The following OPRM1 variants were observed in gnomAD, a reference collection of about 807,000 sequenced individuals.
OPRM1 encodes the protein mu-type opioid receptor.
A neutral mutation model predicts 31.8 loss-of-function variants in OPRM1; 27 were observed. The observed-to-expected ratio is 0.85, with a 90% confidence interval of 0.63 to 1.17. The LOEUF (loss-of-function observed/expected upper bound fraction) is 1.17, where lower values mean the gene tolerates loss of function less well. Among genes scored for constraint, OPRM1 ranks in the 50% most tolerant of loss-of-function variants. The pLI is 0.00. For missense variants in OPRM1, 536 were observed against 511.1 expected, an observed-to-expected ratio of 1.05 and a Z score of -0.47; for synonymous variants, 196 against 189.9, an observed-to-expected ratio of 1.03 and a Z score of -0.26.
Position 154,201,559 on chromosome 6 carries a change from A to ACAT in OPRM1, c.1165-45129_1165-45127dup, listed in dbSNP as rs1189851672. ...AGGCATTTTATGGTTCAGTTGCATTACATCATCCTATGGGACATGCCTGTC... is the reference window on the plus strand; with the variant it reads ...AGGCATTTTATGGTTCAGTTGCATTACATCATCATCCTATGGGACATGCCTGTC... On this transcript the variant is annotated intron_variant, in intron 3 of 3. Coordinates refer to the OPRM1 transcript ENST00000337049. Among the ~76,000 whole-genome samples, 50 of 152,332 alleles carry ACAT rather than the reference A, an allele frequency of 3.3e-4. 1 individual carries two copies. The highest frequency in any genetic ancestry group is 8.3e-4 in the South Asian group (4 of 4,822).
At chr6:154,057,293 G>A (rs1783501229) in intron 1 of OPRM1, among the ~76,000 whole-genome samples, 1 of 152,160 alleles carries the variant, frequency 6.6e-6, no homozygotes, top group Non-Finnish European at 1.5e-5. Context: ...ATATCAGTGA[G>A]CAAAATAGAC....
chr6:154,129,765 T>C lies in OPRM1; in HGVS notation c.*11044T>C, dbSNP rs527827098. 6.6e-6 allele frequency among the ~76,000 whole-genome samples: 1 copy of C among 152,116 alleles called. No individual in the cohort carries two copies. ...CTTTTGAAGACTCCTGTGATTTTTT[T>C]AAATGGCTGGTTTGGTTGAAGTTTC... On this transcript the variant is annotated 3_prime_UTR_variant, in exon 4 of 4. Coordinates refer to ENST00000330432, the MANE Select transcript of OPRM1 (RefSeq NM_000914.5).
Position 154,055,685 on chromosome 6 carries a change from C to T in OPRM1, c.290+15851C>T, listed in dbSNP as rs1783126435. 2.0e-5 allele frequency among the ~76,000 whole-genome samples: 3 copies of T among 152,176 alleles called. No individual in the cohort carries two copies. The South Asian group carries it at 6.2e-4, about 32-fold the overall frequency. On this transcript the variant is annotated intron_variant, in intron 1 of 3. Coordinates refer to ENST00000330432, the MANE Select transcript of OPRM1 (RefSeq NM_000914.5). ...CTCCTTCTACATGCACTGGGTCATT[C>T]CAAAACCATCGTGTCAAGGACATGA...
chr6:154,226,064 C>T (rs1779225453), intron 3 of OPRM1, among the ~76,000 whole-genome samples: 1 of 152,188 alleles, frequency 6.6e-6, no homozygotes, highest in Non-Finnish European at 1.5e-5. Flanking sequence ...GCCTTCTTCT[C>T]TTTCAGGGGT....
intron 3 of OPRM1, among the ~76,000 whole-genome samples, chr6:154,163,073 C>T (rs552425789): frequency 6.6e-6 from 1 of 152,306 alleles, no homozygotes; most frequent in South Asian, 2.1e-4. Flanking sequence ...ATGGTTCTAC[C>T]TTCAGACATG....
At chr6:154,200,266 T>G (rs1333511132) in intron 3 of OPRM1, among the ~76,000 whole-genome samples, 1 of 152,214 alleles carries the variant, frequency 6.6e-6, no homozygotes, top group Non-Finnish European at 1.5e-5. Flanking sequence ...TTCTAGGATC[T>G]GAAAAATCTC....
Position 154,089,932 on chromosome 6 carries a change from G to C in OPRM1, c.397G>C (p.Gly133Arg), listed in dbSNP as rs1231847228. The change falls in exon 2 of 4, where the codon GGA (glycine) becomes CGA (arginine). Residue 133 changes from glycine to arginine, a missense_variant. Coordinates refer to ENST00000330432, the MANE Select transcript of OPRM1 (RefSeq NM_000914.5). ...CTTCCAGAGTGTGAATTACCTAATG[G>C]GAACATGGCCATTTGGAACCATCCT... ...LPFQSVNYLM[G>R]TWPFGTILCK... is the part of the protein sequence containing the mutation. 3.1e-6 allele frequency: 5 copies of C among 1,613,818 alleles called. No homozygotes were observed. The highest frequency in any genetic ancestry group is 1.6e-4 in the Middle Eastern group (1 of 6,084).
intron 1 of OPRM1, among the ~76,000 whole-genome samples, chr6:154,071,398 T>C (rs1379743595): frequency 6.6e-6 from 1 of 152,210 alleles, no homozygotes; most frequent in African/African-American, 2.4e-5. Context: ...CCTGTACCCA[T>C]CTGTCAGCAT....
upstream of OPRM1, among the ~76,000 whole-genome samples, chr6:154,036,132 A>G (rs1265848879): frequency 2.0e-5 from 3 of 152,224 alleles, no homozygotes; most frequent in East Asian, 5.8e-4. Context: ...AAACTCTGAA[A>G]TAACAAAAAC....
In OPRM1 at chr6:154,132,111, A is replaced by G. The variant is rs1797931781; in HGVS notation, c.*13390A>G. Among the ~76,000 whole-genome samples, 2 of 152,208 alleles carry G rather than the reference A, an allele frequency of 1.3e-5. No individual in the cohort carries two copies. Among genetic ancestry groups the G allele is most frequent in the Admixed American group, 6.5e-5 (1 of 15,282 alleles). On this transcript the variant is annotated 3_prime_UTR_variant, in exon 4 of 4. Coordinates refer to ENST00000330432, the MANE Select transcript of OPRM1 (RefSeq NM_000914.5). ...TCAAAAGAACTACCTGCTAAATCAT[A>G]ATGGTCTCATGTGCAGATCAAAATG...
chr6:154,097,926 T>C (rs1229346216), intron 3 of OPRM1, among the ~76,000 whole-genome samples: 1 of 152,142 alleles, frequency 6.6e-6, no homozygotes, highest in East Asian at 1.9e-4. Flanking sequence ...CCCAAGGTCA[T>C]AGTTAAAATG....
Position 154,168,091 on chromosome 6 carries a change from ATCTTCAGACAC to A in OPRM1, c.1164+76621_1164+76631del. On this transcript the variant is annotated intron_variant, in intron 3 of 3. Coordinates refer to the OPRM1 transcript ENST00000337049. The surrounding 1 kb of genome is among the most constrained non-coding windows in gnomAD (Gnocchi z 4.1). ...ATTTGTACAGCTTCTCCATTTCATCATCTTCAGACACTTTTGTCTCTTCTATTTGAAAAAAA... is the reference window on the plus strand; with the variant it reads ...ATTTGTACAGCTTCTCCATTTCATCATTTTGTCTCTTCTATTTGAAAAAAA... 6.4e-7 allele frequency: 1 copy of A among 1,558,366 alleles called. No individual in the cohort carries two copies. The highest frequency in any genetic ancestry group is 8.7e-7 in the Non-Finnish European group (1 of 1,144,856).
intron 3 of OPRM1, among the ~76,000 whole-genome samples, chr6:154,244,159 C>T (rs1474954274): frequency 6.6e-6 from 1 of 152,152 alleles, no homozygotes; most frequent in Non-Finnish European, 1.5e-5. Context: ...AGCTTCTTGG[C>T]TTGACAGGAC....
intron 1 of OPRM1, among the ~76,000 whole-genome samples, chr6:154,077,489 G>A (rs1788115522): frequency 6.6e-6 from 1 of 151,464 alleles, no homozygotes; most frequent in Admixed American, 6.6e-5. Context: ...CCAGCACTTT[G>A]GGAGGCTGAG....
rs1030118601 is a variant in OPRM1, at chr6:154,129,850, C to CA, written c.*11130dup. 2.1e-5 allele frequency among the ~76,000 whole-genome samples: 3 copies of CA among 139,572 alleles called. No individual in the cohort carries two copies. The highest frequency in any genetic ancestry group is 4.7e-5 in the Non-Finnish European group (3 of 64,100). The allele number at this position is 139,572 out of a possible 152,430, so 91.6% of individuals were successfully genotyped here. A position where few individuals can be genotyped will look rare whatever the true frequency, so the allele number is the denominator to read the frequency against. ...CTTTACCACCGACACCCTCCCCCCCCAGCACACACACACACACACACACAC... is the reference window on the plus strand; with the variant it reads ...CTTTACCACCGACACCCTCCCCCCCCAAGCACACACACACACACACACACAC... On this transcript the variant is annotated 3_prime_UTR_variant, in exon 4 of 4. Transcript: ENST00000330432.
intron 1 of OPRM1, among the ~76,000 whole-genome samples, chr6:154,072,060 A>G (rs1202303564): frequency 6.6e-6 from 1 of 152,152 alleles, no homozygotes; most frequent in Non-Finnish European, 1.5e-5. Context: ...GCAATTACTC[A>G]ACTATTATAT....
chr6:154,032,693 C>T (rs926574635), intron 1 of OPRM1, among the ~76,000 whole-genome samples: 2 of 152,218 alleles, frequency 1.3e-5, no homozygotes, highest in Admixed American at 6.5e-5. Context: ...CTCTGACTCT[C>T]AAATGCTGGG....
chr6:154,246,482 C>T (rs761452746), intron 3 of OPRM1: 80 of 1,260,162 alleles, frequency 6.3e-5, no homozygotes, highest in Non-Finnish European at 7.2e-5. Flanking sequence ...TTATTTACTC[C>T]GCTCCAATTC....
rs943052042 is a variant in OPRM1 at position 154,069,024 on chromosome 6, G to A, written c.291-20802G>A. On this transcript the variant is annotated intron_variant, in intron 1 of 3. Transcript: ENST00000330432. The stretch of plus-strand genomic sequence containing the variant: ...TGCCTTTTGAGACATGTCCATGCAG[G>A]TCTTTTGCCCATTTGTTAATTAGGT... 3.3e-5 allele frequency among the ~76,000 whole-genome samples: 5 copies of A among 152,176 alleles called. No homozygotes were observed. The East Asian group carries it at 9.7e-4, about 29-fold the overall frequency.
Sources: gnomAD v4.1 joint callset for allele counts (sites outside exome capture counted in the v4.1 genomes callset) on GRCh38, gnomAD v4.1.1 for gene constraint, Gnocchi (gnomAD v3.1) non-coding constraint, MANE v1.5 for transcripts, NCBI Gene and HGNC (gene_info 2026-07-23, HGNC 2026-07-21) for gene names.